Variants in MAEA observed in about 807,000 individuals in gnomAD.
The protein encoded by MAEA is E3 ubiquitin-protein transferase MAEA.
MAEA carries 22 observed loss-of-function variants against 46.2 expected under a neutral mutation model. That is an observed-to-expected ratio of 0.48 (90% CI 0.34 to 0.68). The LOEUF (loss-of-function observed/expected upper bound fraction) is 0.68. Ranked by LOEUF, MAEA falls within the 30% of genes least tolerant of loss-of-function variation. The pLI, the probability that MAEA is intolerant of heterozygous loss-of-function variation, is 0.01. For synonymous variants in MAEA, 246 were observed against 222.6 expected, an observed-to-expected ratio of 1.11 and a Z score of -0.94; for missense variants, 393 against 558.1, an observed-to-expected ratio of 0.70 and a Z score of 2.98.
chr4:1,325,828 G>A (rs893443396), intron 4 of MAEA, among the ~76,000 whole-genome samples: 6 of 152,180 alleles, frequency 3.9e-5, no homozygotes, highest in Admixed American at 3.9e-4. Context: ...GTGCCTCTCG[G>A]CTGATTTGTA....
intron 4 of MAEA, among the ~76,000 whole-genome samples, chr4:1,322,898 C>G (rs1045060334): frequency 2.1e-5 from 3 of 142,002 alleles, no homozygotes; most frequent in African/African-American, 7.8e-5. Flanking sequence ...TCTCCATCTG[C>G]GAGGCTGCAG....
intron 3 of MAEA, among the ~76,000 whole-genome samples, chr4:1,316,818 A>T (rs1289135378): frequency 6.6e-6 from 1 of 151,806 alleles, no homozygotes; most frequent in African/African-American, 2.4e-5. Flanking sequence ...GGCCACACTC[A>T]CGCCCCCATG....
chr4:1,311,551 C>T lies in MAEA; in HGVS notation c.70-428C>T, dbSNP rs1405495248. On this transcript the variant is annotated intron_variant, in intron 1 of 8. Transcript: ENST00000303400. The surrounding 1 kb of genome is among the most constrained non-coding windows in gnomAD (Gnocchi z 4.4). ...CCGTGTGGAGCCCACGCCCCATGCA[C>T]CCTTGTCCCTGCCCGGCCTGGCCTC... 6.6e-6 allele frequency among the ~76,000 whole-genome samples: 1 copy of T among 152,186 alleles called. No individual in the cohort carries two copies. The highest frequency in any genetic ancestry group is 2.4e-5 in the African/African-American group (1 of 41,440).
chr4:1,318,761 C>T (rs1435911947), intron 3 of MAEA, among the ~76,000 whole-genome samples: 1 of 152,116 alleles, frequency 6.6e-6, no homozygotes, highest in Non-Finnish European at 1.5e-5. Flanking sequence ...CTGTAGGGGG[C>T]GCCATGGAAT....
chr4:1,317,150 CCA>C (rs1205903573), intron 3 of MAEA, among the ~76,000 whole-genome samples: 7 of 95,936 alleles, frequency 7.3e-5, no homozygotes, highest in African/African-American at 1.3e-4. Flanking sequence ...CAGGCCCACC[CCA>C]GCCCCCACAC....
At chr4:1,303,550 C>T (rs1405136261) in intron 1 of MAEA, among the ~76,000 whole-genome samples, 1 of 152,078 alleles carries the variant, frequency 6.6e-6, no homozygotes, top group African/African-American at 2.4e-5. Flanking sequence ...CACAGGTGAA[C>T]CTGGTAAACA....
intron 1 of MAEA, among the ~76,000 whole-genome samples, chr4:1,300,911 T>C (rs1735258529): frequency 6.6e-6 from 1 of 152,198 alleles, no homozygotes; most frequent in South Asian, 2.1e-4. Context: ...GTATGTGCTG[T>C]GCTTGGGGAG....
intron 7 of MAEA, 39 bp from the exon 8 acceptor site, chr4:1,338,383 C>T (rs1283814001): frequency 8.9e-6 from 14 of 1,565,236 alleles, no homozygotes; most frequent in Non-Finnish European, 1.2e-5. Flanking sequence ...CCCCGGCTGC[C>T]CTGAGTGGCC....
At position 1,308,388 on chromosome 4, in the gene MAEA, T is replaced by C. The variant is rs1736037416; in HGVS notation, c.70-3591T>C. ...TGGTGATGGACATGTGGGTGGCTTCTGCCTCGTGGCTGCCATGAACACAGG... is the reference window on the plus strand; with the variant it reads ...TGGTGATGGACATGTGGGTGGCTTCCGCCTCGTGGCTGCCATGAACACAGG... On this transcript the variant is annotated intron_variant, in intron 1 of 8. Coordinates refer to ENST00000303400, the MANE Select transcript of MAEA (RefSeq NM_001017405.3). Among the ~76,000 whole-genome samples the C allele has an allele frequency of 2.6e-5, 4 of 152,364 alleles. 1 individual carries two copies. In the South Asian group the frequency reaches 8.3e-4, roughly 32 times the overall value.
At chr4:1,314,673 A>G (rs1429805833) in intron 2 of MAEA, among the ~76,000 whole-genome samples, 2 of 152,228 alleles carry the variant, frequency 1.3e-5, no homozygotes, top group Non-Finnish European at 2.9e-5. Context: ...ATAAACCGAC[A>G]TGGGATTTTC....
intron 1 of MAEA, among the ~76,000 whole-genome samples, chr4:1,307,037 C>G (rs1051813371): frequency 6.6e-6 from 1 of 152,192 alleles, no homozygotes; most frequent in Non-Finnish European, 1.5e-5. Context: ...CATTCCTAGA[C>G]CAGTGCTGTA....
intron 6 of MAEA, chr4:1,335,291 C>T: frequency 1.0e-6 from 1 of 985,490 alleles, no homozygotes; most frequent in South Asian, 4.7e-5. Flanking sequence ...GCTGTCCTTC[C>T]AGCTGTGTGA....
At chr4:1,322,652 C>A (rs1025518379) in intron 4 of MAEA, 149 bp downstream of exon 4, 3 of 993,612 alleles carry the variant, frequency 3.0e-6, no homozygotes, top group Non-Finnish European at 4.4e-6. Flanking sequence ...TTTTTGGTGG[C>A]TGTGTTACAC....
At position 1,311,253 on chromosome 4, in the gene MAEA, C is replaced by G. The variant is rs924081959; in HGVS notation, c.70-726C>G. Among the ~76,000 whole-genome samples, 5 of 152,200 alleles carry G rather than the reference C, an allele frequency of 3.3e-5. No individual in the cohort carries two copies. The highest frequency in any genetic ancestry group is 7.3e-5 in the Non-Finnish European group (5 of 68,034). ...GGTGGTGTTTCCTGCGGGAGCCCGG[C>G]CACGGAGGCCGGGGAGCGCTGGGGC... On this transcript the variant is annotated intron_variant, in intron 1 of 8. Transcript: ENST00000303400. This position sits in a 1 kb window ranked among gnomAD's most constrained non-coding sequence, Gnocchi z 4.4.
chr4:1,315,712 C>T, intron 3 of MAEA, 112 bp downstream of exon 3: 1 of 898,462 alleles, frequency 1.1e-6, no homozygotes, highest in African/African-American at 1.8e-5. Context: ...TTGTGTTCCC[C>T]TCCCCCCACC....
intron 7 of MAEA, 21 bp downstream of exon 7, chr4:1,337,015 A>T (rs1712858107): frequency 4.3e-6 from 7 of 1,612,022 alleles, no homozygotes; most frequent in Admixed American, 3.3e-5. Flanking sequence ...TCCCGTGCGC[A>T]GTGCGGTTTG....
In MAEA at chr4:1,334,722, C is replaced by T. The variant is rs540313112; in HGVS notation, c.765+1857C>T. 82 of 266,484 alleles carry T rather than the reference C, an allele frequency of 3.1e-4. 1 individual carries two copies. The South Asian group carries it at 0.011, about 35-fold the overall frequency. 16.5% of individuals were successfully genotyped at this position (266,484 alleles called of 1,614,324 possible). The stretch of plus-strand genomic sequence containing the variant: ...TGTCTCGTGGCAGGAAAATGGGCCC[C>T]GTTGCCATGGGTCAGGCAAGAAACA... On this transcript the variant is annotated intron_variant, in intron 6 of 8. Coordinates refer to ENST00000303400, the MANE Select transcript of MAEA (RefSeq NM_001017405.3).
chr4:1,290,047 C>T, intron 1 of MAEA, 65 bp downstream of exon 1: 1 of 1,317,202 alleles, frequency 7.6e-7, no homozygotes, highest in African/African-American at 1.6e-5. Context: ...CCTCGGGCCG[C>T]GAGGGGCCGC....
chr4:1,320,157 A>G (rs886134899), intron 3 of MAEA, among the ~76,000 whole-genome samples: 10 of 148,330 alleles, frequency 6.7e-5, no homozygotes, highest in Admixed American at 4.7e-4. Context: ...CAAAGCAAAC[A>G]TGCAAGAAAA....
Sources: allele counts gnomAD v4.1 joint callset (sites outside exome capture counted in the v4.1 genomes callset), GRCh38; gene constraint gnomAD v4.1.1; non-coding constraint Gnocchi (gnomAD v3.1); transcripts MANE v1.5; gene names NCBI Gene and HGNC (gene_info 2026-07-23, HGNC 2026-07-21).